Variants in DNAH10 observed in about 807,000 individuals in gnomAD.
The protein encoded by DNAH10 is axonemal beta dynein heavy chain 10.
A neutral mutation model predicts 506.6 loss-of-function variants in DNAH10; 348 were observed. That is an observed-to-expected ratio of 0.69 (90% CI 0.63 to 0.75). The LOEUF is 0.75. Ranked by LOEUF, DNAH10 falls within the 30% of genes least tolerant of loss-of-function variation. The pLI is 0.00. For missense variants in DNAH10, 5,179 were observed against 5,787.1 expected, an observed-to-expected ratio of 0.89 and a Z score of 3.41; for synonymous variants, 2,059 against 2,198.6, an observed-to-expected ratio of 0.94 and a Z score of 1.78.
At chr12:123,910,776 A>G (rs1954030041) in intron 59 of DNAH10, 104 bp downstream of exon 59, 9 of 1,435,560 alleles carry the variant, frequency 6.3e-6, no homozygotes, top group Non-Finnish European at 8.4e-6. Context: ...CGAGGTTCTG[A>G]CTTCAAGCTG....
chr12:123,785,706 G>C lies in DNAH10; in HGVS notation c.1231-40G>C. On this transcript the variant is annotated intron_variant, in intron 8 of 78. Coordinates refer to ENST00000673944, the MANE Select transcript of DNAH10 (RefSeq NM_001372106.1). This position sits in a 1 kb window ranked among gnomAD's most constrained non-coding sequence, Gnocchi z 4.1. ...TTTTATGAAACTATTTGGACCCCAA[G>C]GCTAAGGGCTCTTGCGTGGCTCTCT... 1 of 1,488,170 alleles carries C rather than the reference G, an allele frequency of 6.7e-7. No individual in the cohort carries two copies. Among genetic ancestry groups the C allele is most frequent in the Non-Finnish European group, 9.0e-7 (1 of 1,106,628 alleles). The allele number at this position is 1,488,170 out of a possible 1,614,324, so 92.2% of individuals were successfully genotyped here.
At chr12:123,832,293 C>T (rs527520985) in intron 26 of DNAH10, among the ~76,000 whole-genome samples, 47 of 152,144 alleles carry the variant, frequency 3.1e-4, no homozygotes, top group Non-Finnish European at 6.2e-4. Flanking sequence ...CGTATACACA[C>T]GATGTGCACA....
chr12:123,860,372 G>A (rs554371907), intron 38 of DNAH10, among the ~76,000 whole-genome samples: 1 of 152,334 alleles, frequency 6.6e-6, no homozygotes, highest in African/African-American at 2.4e-5. Context: ...TTCATTCATT[G>A]TAAGTTTATA....
In DNAH10 at chr12:123,860,693, T is replaced by A. The variant is rs564431086; in HGVS notation, c.6750-319T>A. The stretch of plus-strand genomic sequence containing the variant: ...CTTAATTCTGAGATATTTACTTAAA[T>A]GTCATATATATGAATATGTAATATG... On this transcript the variant is annotated intron_variant, in intron 38 of 78. Coordinates refer to ENST00000673944, the MANE Select transcript of DNAH10 (RefSeq NM_001372106.1). Among the ~76,000 whole-genome samples, 4 of 152,332 alleles carry A rather than the reference T, an allele frequency of 2.6e-5. No homozygotes were observed. The East Asian group carries it at 7.7e-4, about 29-fold the overall frequency.
intron 24 of DNAH10, among the ~76,000 whole-genome samples, chr12:123,824,670 C>G (rs80164648): frequency 0.012 from 1,767 of 152,304 alleles, 17 homozygotes; most frequent in Middle Eastern, 0.037. Context: ...CTTCTTGCCT[C>G]TTCCAGCTCC....
chr12:123,777,382 A>G (rs11834698), intron 5 of DNAH10, among the ~76,000 whole-genome samples: 22,143 of 152,282 alleles, frequency 0.15, 3,535 homozygotes, highest in African/African-American at 0.4. Context: ...TGCTGCTGGA[A>G]GTCAAGAAGG....
intron 28 of DNAH10, among the ~76,000 whole-genome samples, chr12:123,837,134 A>C (rs1013826393): frequency 2.7e-5 from 4 of 146,858 alleles, no homozygotes; most frequent in Non-Finnish European, 4.5e-5. Flanking sequence ...TACAGATGTG[A>C]GCCACTGTGC....
In DNAH10 at chr12:123,919,743, T is replaced by C. The variant is rs1372078298; in HGVS notation, c.11506+794T>C. On this transcript the variant is annotated intron_variant, in intron 65 of 78. Coordinates refer to ENST00000673944, the MANE Select transcript of DNAH10 (RefSeq NM_001372106.1). The surrounding 1 kb of genome is among the most constrained non-coding windows in gnomAD (Gnocchi z 4.9). ...TGACTTCATGACTGGTATCTTTCAC[T>C]CCACTCCGTGACCTCACGGTTCATC... Among the ~76,000 whole-genome samples the C allele has an allele frequency of 6.6e-6, 1 of 152,240 alleles. No individual in the cohort carries two copies. The highest frequency in any genetic ancestry group is 1.5e-5 in the Non-Finnish European group (1 of 68,050).
chr12:123,785,657 GT>G lies in DNAH10; in HGVS notation c.1231-88del. 2 of 961,082 alleles carry G rather than the reference GT, an allele frequency of 2.1e-6. No individual in the cohort carries two copies. Among genetic ancestry groups the G allele is most frequent in the South Asian group, 2.7e-5 (1 of 36,896 alleles). The allele number at this position is 961,082 out of a possible 1,614,324, so 59.5% of individuals were successfully genotyped here. A position where few individuals can be genotyped will look rare whatever the true frequency, so the allele number is the denominator to read the frequency against. On this transcript the variant is annotated intron_variant, in intron 8 of 78. Coordinates refer to ENST00000673944, the MANE Select transcript of DNAH10 (RefSeq NM_001372106.1). The surrounding 1 kb of genome is among the most constrained non-coding windows in gnomAD (Gnocchi z 4.1). ...CAAGGAAAAAAAAAAAAAAAAAAGA[GT>G]GAAACTTCTTGCATGCTTACTGTTT...
At chr12:123,764,287 C>T (rs1305389695) in intron 1 of DNAH10, among the ~76,000 whole-genome samples, 1 of 152,134 alleles carries the variant, frequency 6.6e-6, no homozygotes, top group East Asian at 1.9e-4. Context: ...GAGAGGACCA[C>T]GTGATCACGT....
intron 1 of DNAH10, among the ~76,000 whole-genome samples, chr12:123,765,564 TTATC>T (rs142140309): frequency 0.072 from 10,713 of 149,356 alleles, 479 homozygotes; most frequent in Middle Eastern, 0.11. Context: ...TATCTATACT[TTATC>T]TATCTATCTA....
At chr12:123,899,206 G>A (rs367929971) in intron 56 of DNAH10, among the ~76,000 whole-genome samples, 1 of 152,114 alleles carries the variant, frequency 6.6e-6, no homozygotes, top group African/African-American at 2.4e-5. Flanking sequence ...CTGTTTCAAG[G>A]TTCTTTCTTG....
Position 123,783,281 on chromosome 12 carries a change from T to C in DNAH10, c.999+17T>C. 6.2e-7 allele frequency: 1 copy of C among 1,612,032 alleles called. No individual in the cohort carries two copies. The highest frequency in any genetic ancestry group is 1.7e-5 in the Admixed American group (1 of 59,996). On this transcript the variant is annotated intron_variant, in intron 7 of 78. Transcript: ENST00000673944. Reference sequence around the variant, plus strand: ...ACACCTCAGGTAGTTTGTGCAGGGCTTTCAGAGAGCCCCGATCCAGGTCAT... The same window carrying C: ...ACACCTCAGGTAGTTTGTGCAGGGCCTTCAGAGAGCCCCGATCCAGGTCAT...
Position 123,902,980 on chromosome 12 carries a change from A to G in DNAH10, c.9682A>G (p.Ile3228Val), listed in dbSNP as rs1442869010. The change falls in exon 57 of 79, where the codon ATA (isoleucine) becomes GTA (valine). Residue 3228 changes from isoleucine to valine, a missense_variant. Coordinates refer to ENST00000673944, the MANE Select transcript of DNAH10 (RefSeq NM_001372106.1). This position sits in a 1 kb window ranked among gnomAD's most constrained non-coding sequence, Gnocchi z 4.5. The part of the protein sequence containing the change: ...KKLAEEKAME[I>V]EEQNKVIAME... ...ACTGGCAGAGGAAAAGGCCATGGAG[A>G]TAGAGGAGCAGAACAAAGTCATTGC... 2 of 1,594,412 alleles carry G rather than the reference A, an allele frequency of 1.3e-6. No homozygotes were observed. Among genetic ancestry groups the G allele is most frequent in the Middle Eastern group, 1.7e-4 (1 of 6,052 alleles).
chr12:123,843,252 G>A (rs1358603477), intron 30 of DNAH10, among the ~76,000 whole-genome samples: 1 of 152,200 alleles, frequency 6.6e-6, no homozygotes, highest in Non-Finnish European at 1.5e-5. Context: ...TATTTGAGCT[G>A]ATAGGTGTGG....
chr12:123,819,870 A>G (rs963279172), intron 23 of DNAH10, among the ~76,000 whole-genome samples: 4 of 151,650 alleles, frequency 2.6e-5, no homozygotes, highest in African/African-American at 9.7e-5. Context: ...ATGCCTTGCT[A>G]ATTTTTGTAT....
At chr12:123,860,897 C>A in intron 38 of DNAH10, 115 bp from the exon 39 acceptor site, 1 of 1,388,802 alleles carries the variant, frequency 7.2e-7, no homozygotes, top group Non-Finnish European at 1.0e-6. Context: ...GCATGGGTTG[C>A]ATTTTCAATT....
rs749861378 is a variant in DNAH10 at position 123,813,648 on chromosome 12, A to G, written c.3621+8A>G. Reference sequence around the variant, plus strand: ...CTCCATGAAGAGATGGAGGTACTCAATCGCTGTGTGTAATTGAAACTACTT... The same window carrying G: ...CTCCATGAAGAGATGGAGGTACTCAGTCGCTGTGTGTAATTGAAACTACTT... On this transcript the variant is annotated splice_region_variant and intron_variant, in intron 20 of 78. Coordinates refer to ENST00000673944, the MANE Select transcript of DNAH10 (RefSeq NM_001372106.1). 6.2e-6 allele frequency: 10 copies of G among 1,613,768 alleles called. No individual in the cohort carries two copies. The highest frequency in any genetic ancestry group is 1.1e-5 in the South Asian group (1 of 91,050).
chr12:123,798,537 GC>G (rs940501793), intron 13 of DNAH10, among the ~76,000 whole-genome samples: 35 of 152,076 alleles, frequency 2.3e-4, no homozygotes, highest in Admixed American at 2.2e-3. Flanking sequence ...CTCCCAGCAG[GC>G]CCCACCTCCA....
Sources: gnomAD v4.1 joint callset for allele counts (sites outside exome capture counted in the v4.1 genomes callset) on GRCh38, gnomAD v4.1.1 for gene constraint, Gnocchi (gnomAD v3.1) non-coding constraint, MANE v1.5 for transcripts, NCBI Gene and HGNC (gene_info 2026-07-23, HGNC 2026-07-21) for gene names.